C4orf50: variants seen among roughly 807,000 people sequenced by gnomAD.
C4orf50 encodes uncharacterized protein C4orf50.
A neutral mutation model predicts 77.2 loss-of-function variants in C4orf50; 80 were observed. The ratio of observed to expected loss-of-function variants is 1.04; its 90% CI spans 0.87 to 1.25. The LOEUF is 1.25. Ranked by LOEUF, C4orf50 falls within the 50% of genes most tolerant of loss-of-function variation. The probability of loss-of-function intolerance (pLI) is 0.00; values close to 1 mark genes in which losing one functional copy is unlikely to be tolerated. For synonymous variants in C4orf50, 532 were observed against 465.3 expected, an observed-to-expected ratio of 1.14 and a Z score of -1.84; for missense variants, 1,257 against 1,152.9, an observed-to-expected ratio of 1.09 and a Z score of -1.31.
At chr4:5,971,742 G>A (rs1401177949) in intron 31 of C4orf50, among the ~76,000 whole-genome samples, 1 of 152,216 alleles carries the variant, frequency 6.6e-6, no homozygotes, top group Non-Finnish European at 1.5e-5. Flanking sequence ...TTCAACCTGT[G>A]TAATAGTTCT....
At chr4:5,986,984 A>T (rs1720898552) in intron 28 of C4orf50, among the ~76,000 whole-genome samples, 1 of 152,226 alleles carries the variant, frequency 6.6e-6, no homozygotes, top group Non-Finnish European at 1.5e-5. Flanking sequence ...AATGTGTGGG[A>T]TGCTTAGAGA....
chr4:5,965,793 T>G (rs13138202), intron 32 of C4orf50, among the ~76,000 whole-genome samples: 54,217 of 152,058 alleles, frequency 0.36, 9,894 homozygotes, highest in Admixed American at 0.44. Context: ...TGTGCCAGGG[T>G]CCAGACACTC....
chr4:6,010,111 T>C (rs1481335736), intron 24 of C4orf50, among the ~76,000 whole-genome samples: 1 of 152,146 alleles, frequency 6.6e-6, no homozygotes, highest in Admixed American at 6.5e-5. Flanking sequence ...CTGGGTCCAA[T>C]TCACCTCGGA....
At chr4:5,915,135 T>A (rs1716977446) in intron 7 of C4orf50, among the ~76,000 whole-genome samples, 1 of 152,164 alleles carries the variant, frequency 6.6e-6, no homozygotes, top group Non-Finnish European at 1.5e-5. Context: ...GCCAGAGGGA[T>A]CTTTCTAGAC....
rs559401607 is a variant in C4orf50, at chr4:5,972,878, G to C, written c.4104+781C>G. On this transcript the variant is annotated intron_variant, in intron 31 of 33. Transcript: ENST00000531445. ...GCACGGCTGGGCACCCGTGGGTGCT[G>C]ACTGTAGTCAGGAGAGCTGGCATTT... is the stretch of plus-strand genomic sequence containing the variant. Among the ~76,000 whole-genome samples the C allele has an allele frequency of 3.9e-5, 6 of 152,360 alleles. No homozygotes were observed. In the South Asian group the frequency reaches 1.2e-3, roughly 32 times the overall value.
At chr4:5,994,729 C>G (rs980112666) in intron 25 of C4orf50, among the ~76,000 whole-genome samples, 8 of 152,180 alleles carry the variant, frequency 5.3e-5, no homozygotes, top group African/African-American at 1.7e-4. Flanking sequence ...AGCGTTCAGT[C>G]CTCAGAGGAG....
chr4:5,960,675 G>C (rs574708964), intron 33 of C4orf50, among the ~76,000 whole-genome samples: 3 of 152,348 alleles, frequency 2.0e-5, no homozygotes, highest in Non-Finnish European at 4.4e-5. Context: ...GACCCACACA[G>C]GTGCTGATGA....
At position 5,916,105 on chromosome 4, in the gene C4orf50, C is replaced by T. The variant is rs752465597; in HGVS notation, c.*2475-17917G>A. Among the ~76,000 whole-genome samples the T allele has an allele frequency of 6.6e-6, 1 of 152,202 alleles. No homozygotes were observed. ...CACAGGGGCAGAGCTCAGCTCCACACAGTAGTGACCAGGGACCCAAGCATT... is the reference window on the plus strand; with the variant it reads ...CACAGGGGCAGAGCTCAGCTCCACATAGTAGTGACCAGGGACCCAAGCATT... On this transcript the variant is annotated intron_variant, in intron 7 of 7. Transcript: ENST00000324058. The surrounding 1 kb of genome is among the most constrained non-coding windows in gnomAD (Gnocchi z 4.4).
intron 7 of C4orf50, chr4:5,903,898 C>CATG (rs1716438558): frequency 6.6e-6 from 1 of 152,148 alleles, no homozygotes; most frequent in South Asian, 2.1e-4. Flanking sequence ...GTAAGCCAAA[C>CATG]ATGATACATT....
intron 7 of C4orf50, among the ~76,000 whole-genome samples, chr4:5,924,003 G>C (rs1015533583): frequency 6.6e-6 from 1 of 152,128 alleles, no homozygotes; most frequent in Non-Finnish European, 1.5e-5. Flanking sequence ...TCCCGCTCCT[G>C]AACATTAGGC....
At position 6,007,869 on chromosome 4, in the gene C4orf50, G is replaced by T. The variant is rs1577997190; in HGVS notation, c.963+127C>A. The T allele has an allele frequency of 5.0e-5, 20 of 398,106 alleles. No individual in the cohort carries two copies. The East Asian group carries it at 7.1e-4, about 14-fold the overall frequency. 24.7% of individuals were successfully genotyped at this position (398,106 alleles called of 1,614,324 possible). On this transcript the variant is annotated intron_variant, in intron 25 of 33. Coordinates refer to ENST00000531445, the Ensembl canonical transcript of C4orf50. This position sits in a 1 kb window ranked among gnomAD's most constrained non-coding sequence, Gnocchi z 4.1. ...GATGCAGTGAAGGACGATGGACAGG[G>T]CTGGCAGGGTTAAACGGCTGTAGGA... is the stretch of plus-strand genomic sequence containing the variant.
In C4orf50 at chr4:5,907,591, G is replaced by T. The variant is rs534363696; in HGVS notation, c.*2475-9403C>A. 2.6e-5 allele frequency among the ~76,000 whole-genome samples: 4 copies of T among 152,282 alleles called. No individual in the cohort carries two copies. The East Asian group carries it at 5.8e-4, about 22-fold the overall frequency. ...AGTAGACTAGACACAAATGAAGGCA[G>T]ATTTAGTAAATTGAAAGGCAGATCT... On this transcript the variant is annotated intron_variant, in intron 7 of 7. Coordinates refer to the C4orf50 transcript ENST00000324058.
intron 7 of C4orf50, among the ~76,000 whole-genome samples, chr4:5,944,297 C>T (rs781611028): frequency 4.6e-5 from 7 of 152,184 alleles, no homozygotes; most frequent in Non-Finnish European, 1.0e-4. Flanking sequence ...GAGGCCCCTT[C>T]TTGCCCCTCA....
In C4orf50 at chr4:5,994,884, C is replaced by A. The variant is rs564527553; in HGVS notation, c.964-408G>T. Reference sequence around the variant, plus strand: ...AGGCATTACCGCCTGAGCTCCGCCTCCTGTCAGGTCAGCAACGGCATTTGA... The same window carrying A: ...AGGCATTACCGCCTGAGCTCCGCCTACTGTCAGGTCAGCAACGGCATTTGA... On this transcript the variant is annotated intron_variant, in intron 25 of 33. Transcript: ENST00000531445. Among the ~76,000 whole-genome samples the A allele has an allele frequency of 1.9e-3, 288 of 152,322 alleles. 1 individual carries two copies. Among genetic ancestry groups the A allele is most frequent in the Non-Finnish European group, 3.3e-3 (227 of 68,032 alleles).
chr4:5,975,243 T>G (rs1219127295), intron 30 of C4orf50, among the ~76,000 whole-genome samples: 3 of 149,214 alleles, frequency 2.0e-5, no homozygotes, highest in African/African-American at 7.4e-5. Context: ...GGAAGGGGCT[T>G]GAGCACAGAG....
intron 25 of C4orf50, among the ~76,000 whole-genome samples, chr4:6,005,525 C>T (rs1469495416): frequency 9.2e-5 from 14 of 152,184 alleles, no homozygotes; most frequent in Admixed American, 9.2e-4. Flanking sequence ...CCCAGGATCT[C>T]GAGGTCTGGG....
chr4:5,947,203 G>GGAAGCTGAGCTGTGTGACCTCCAAGAAT (rs368106109), intron 7 of C4orf50, among the ~76,000 whole-genome samples: 4 of 152,160 alleles, frequency 2.6e-5, no homozygotes, highest in African/African-American at 4.8e-5. Context: ...CATGAGATGA[G>GGAAGCTGAGCTGTGTGACCTCCAAGAAT]GAAGCTGAGC....
chr4:5,911,913 G>A (rs1299297665), intron 7 of C4orf50, among the ~76,000 whole-genome samples: 1 of 152,184 alleles, frequency 6.6e-6, no homozygotes, highest in African/African-American at 2.4e-5. Flanking sequence ...GGGGATGGTG[G>A]TGCATGCCTG....
At position 6,000,419 on chromosome 4, in the gene C4orf50, G is replaced by A. The variant is rs1721784007; in HGVS notation, c.964-5943C>T. ...TGGCTAGCTCTTCACATTTCCCAGT[G>A]GCCCTCTCAGGAGGAATTCTTCCTT... On this transcript the variant is annotated intron_variant, in intron 25 of 33. Coordinates refer to ENST00000531445, the Ensembl canonical transcript of C4orf50. The surrounding 1 kb of genome is among the most constrained non-coding windows in gnomAD (Gnocchi z 6.0). Among the ~76,000 whole-genome samples, 1 of 152,080 alleles carries A rather than the reference G, an allele frequency of 6.6e-6. No individual in the cohort carries two copies. The highest frequency in any genetic ancestry group is 6.5e-5 in the Admixed American group (1 of 15,272).
Sources: gnomAD v4.1 joint callset for allele counts (sites outside exome capture counted in the v4.1 genomes callset) on GRCh38, gnomAD v4.1.1 for gene constraint, Gnocchi (gnomAD v3.1) non-coding constraint, MANE v1.5 for transcripts, NCBI Gene and HGNC (gene_info 2026-07-23, HGNC 2026-07-21) for gene names.